COP1: variants seen among roughly 807,000 people sequenced by gnomAD.
COP1 encodes COP1 E3 ubiquitin ligase.
A neutral mutation model predicts 101.3 loss-of-function variants in COP1; 24 were observed. The ratio of observed to expected loss-of-function variants is 0.24; its 90% confidence interval spans 0.17 to 0.33. COP1 has a LOEUF of 0.33. COP1 is among the 10% of genes least tolerant of loss of function. The pLI, the probability that COP1 is intolerant of heterozygous loss-of-function variation, is 1.00. For synonymous variants in COP1, 347 were observed against 341.9 expected (o/e 1.01, Z -0.17); for missense variants, 663 against 906.2 (o/e 0.73, Z 3.45).
In COP1 at chr1:175,988,832, CA is replaced by C. The variant is rs375033166; in HGVS notation, c.1848-421del. The C allele has an allele frequency of 3.2e-3, 453 of 142,774 alleles. 1 individual carries two copies. The highest frequency in any genetic ancestry group is 6.8e-3 in the Middle Eastern group (2 of 292). 8.8% of individuals were successfully genotyped at this position (142,774 alleles called of 1,614,324 possible). A position where few individuals can be genotyped will look rare whatever the true frequency, so the allele number is the denominator to read the frequency against. ...TGGGTGACAGAGCGAGACTCTGTGC[CA>C]AAAAAAAAAAGTTTTCTTTTCAACA... On this transcript the variant is annotated intron_variant, in intron 16 of 19. Coordinates refer to ENST00000367669, the MANE Select transcript of COP1 (RefSeq NM_022457.7).
At chr1:175,993,064 G>C (rs2148784730) in intron 15 of COP1, among the ~76,000 whole-genome samples, 1 of 152,294 alleles carries the variant, frequency 6.6e-6, no homozygotes, top group East Asian at 1.9e-4. Context: ...GGAACGATCA[G>C]AGAACAGGAC....
intron 18 of COP1, among the ~76,000 whole-genome samples, chr1:175,970,023 T>C (rs1652927845): frequency 6.6e-6 from 1 of 152,180 alleles, no homozygotes; most frequent in Admixed American, 6.5e-5. Context: ...AATTTTATTC[T>C]CACTCAATCT....
chr1:176,005,571 C>G (rs1467658840), intron 15 of COP1, among the ~76,000 whole-genome samples: 1 of 152,174 alleles, frequency 6.6e-6, no homozygotes, highest in East Asian at 1.9e-4. Context: ...TTGTTGTTTT[C>G]AAAGAACATC....
Position 176,081,294 on chromosome 1 carries a change from G to GAAAA in COP1, c.1142-11_1142-8dup. ...CTTGCAGTTCGACTGTCATCTATAT[G>GAAAA]AAAAAAAAAAAAAAAAGACAAAACA... On this transcript the variant is annotated splice_region_variant and splice_polypyrimidine_tract_variant and intron_variant, in intron 10 of 19. Coordinates refer to ENST00000367669, the MANE Select transcript of COP1 (RefSeq NM_022457.7). 1.2e-5 allele frequency: 15 copies of GAAAA among 1,283,208 alleles called. No homozygotes were observed. Among genetic ancestry groups the GAAAA allele is most frequent in the Admixed American group, 3.0e-5 (1 of 33,742 alleles). The allele number at this position is 1,283,208 out of a possible 1,614,324, so 79.5% of individuals were successfully genotyped here.
At chr1:176,096,755 A>G (rs1345500629) in intron 9 of COP1, among the ~76,000 whole-genome samples, 2 of 152,144 alleles carry the variant, frequency 1.3e-5, no homozygotes, top group Non-Finnish European at 2.9e-5. Flanking sequence ...TTTAACTATG[A>G]AAAAGGATTT....
chr1:176,172,994 CG>C (rs1696321743), intron 3 of COP1, among the ~76,000 whole-genome samples: 1 of 152,100 alleles, frequency 6.6e-6, no homozygotes, highest in East Asian at 1.9e-4. Context: ...TAGAGATCAC[CG>C]TCAAGATAAC....
intron 10 of COP1, 33 bp downstream of exon 10, chr1:176,085,743 T>C (rs1680022853): frequency 1.6e-6 from 2 of 1,261,868 alleles, no homozygotes; most frequent in Admixed American, 1.9e-5. Flanking sequence ...GAAATGTAGA[T>C]TTCAGATAAT....
At position 176,114,629 on chromosome 1, in the gene COP1, C is replaced by G. The variant is rs373360912; in HGVS notation, c.1026+1995G>C. ...GGGGGAAAGGGTCTCACTCTGTCACCCAGGCTGGAGTACACTGGCATGATC... is the reference window on the plus strand; with the variant it reads ...GGGGGAAAGGGTCTCACTCTGTCACGCAGGCTGGAGTACACTGGCATGATC... On this transcript the variant is annotated intron_variant, in intron 9 of 19. Coordinates refer to ENST00000367669, the MANE Select transcript of COP1 (RefSeq NM_022457.7). Among the ~76,000 whole-genome samples, 6 of 151,742 alleles carry G rather than the reference C, an allele frequency of 4.0e-5. No homozygotes were observed. The East Asian group carries it at 1.2e-3, about 29-fold the overall frequency.
At chr1:176,202,183 C>T (rs1045017180) in intron 1 of COP1, among the ~76,000 whole-genome samples, 1 of 129,954 alleles carries the variant, frequency 7.7e-6, no homozygotes, top group Non-Finnish European at 1.6e-5. Flanking sequence ...CGTTCTAGTT[C>T]ACTTTTTTTT....
chr1:175,951,681 G>A (rs1221407618), intron 18 of COP1, among the ~76,000 whole-genome samples: 1 of 151,590 alleles, frequency 6.6e-6, no homozygotes, highest in Non-Finnish European at 1.5e-5. Flanking sequence ...GTAAGGAGAT[G>A]GACATAACAA....
chr1:176,072,693 A>G (rs554744354), intron 11 of COP1, among the ~76,000 whole-genome samples: 1 of 152,332 alleles, frequency 6.6e-6, no homozygotes, highest in East Asian at 1.9e-4. Context: ...TAAGGAACAT[A>G]TTAAAAGTTA....
In COP1 at chr1:176,206,994, T is replaced by C; in HGVS notation, c.-16A>G. 4 of 1,365,200 alleles carry C rather than the reference T, an allele frequency of 2.9e-6. No individual in the cohort carries two copies. Among genetic ancestry groups the C allele is most frequent in the Non-Finnish European group, 3.8e-6 (4 of 1,062,270 alleles). 84.6% of individuals were successfully genotyped at this position (1,365,200 alleles called of 1,614,324 possible). On this transcript the variant is annotated 5_prime_UTR_variant, in exon 1 of 20. Coordinates refer to ENST00000367669, the MANE Select transcript of COP1 (RefSeq NM_022457.7). ...TACCAGACATCGTGACTCCCTCCCC[T>C]CCAGCCGGGCGCTCGGAGGAGAGGG...
In COP1 at chr1:176,150,089, T is replaced by C. The variant is rs183536809; in HGVS notation, c.763-1015A>G. On this transcript the variant is annotated intron_variant, in intron 5 of 19. Transcript: ENST00000367669. ...CTCTAGAAAAGGTTCCAGGAATTTT[T>C]GTTAAACAAGTGCCCAGATGATAAG... Among the ~76,000 whole-genome samples, 1,343 of 152,316 alleles carry C rather than the reference T, an allele frequency of 8.8e-3. 21 individuals are homozygous for C. Among genetic ancestry groups the C allele is most frequent in the African/African-American group, 0.03 (1,252 of 41,572 alleles).
chr1:176,189,889 T>C (rs866906306), intron 1 of COP1, among the ~76,000 whole-genome samples: 1 of 151,872 alleles, frequency 6.6e-6, no homozygotes, highest in Non-Finnish European at 1.5e-5. Flanking sequence ...AATTCTCAAT[T>C]AGAAAACTTT....
At chr1:176,132,338 A>C (rs1045744056) in intron 8 of COP1, among the ~76,000 whole-genome samples, 1 of 151,834 alleles carries the variant, frequency 6.6e-6, no homozygotes, top group Non-Finnish European at 1.5e-5. Flanking sequence ...ATGAAAACTA[A>C]AACAGAATCC....
At chr1:176,010,930 A>C (rs184407313) in intron 15 of COP1, among the ~76,000 whole-genome samples, 1 of 152,328 alleles carries the variant, frequency 6.6e-6, no homozygotes, top group East Asian at 1.9e-4. Flanking sequence ...GTCTATATTA[A>C]CATTTCCTCA....
intron 11 of COP1, among the ~76,000 whole-genome samples, chr1:176,058,945 A>C (rs998253958): frequency 6.6e-6 from 1 of 152,172 alleles, no homozygotes; most frequent in Non-Finnish European, 1.5e-5. Context: ...AGGCTGTGTC[A>C]AGTTTCACTC....
intron 8 of COP1, among the ~76,000 whole-genome samples, chr1:176,121,696 A>T (rs530703300): frequency 5.3e-5 from 8 of 152,148 alleles, no homozygotes; most frequent in Non-Finnish European, 1.2e-4. Context: ...TCCAACTGAA[A>T]ATTAAAATGA....
intron 11 of COP1, among the ~76,000 whole-genome samples, chr1:176,050,597 C>G (rs1672377165): frequency 6.6e-6 from 1 of 152,106 alleles, no homozygotes; most frequent in Non-Finnish European, 1.5e-5. Context: ...CGTTTAGAAA[C>G]TGGCCATTTT....
Sources: gnomAD v4.1 joint callset for allele counts (sites outside exome capture counted in the v4.1 genomes callset) on GRCh38, gnomAD v4.1.1 for gene constraint, MANE v1.5 for transcripts, NCBI Gene and HGNC (gene_info 2026-07-23, HGNC 2026-07-21) for gene names.